The following ERC2 variants were observed in gnomAD, a reference collection of about 807,000 sequenced individuals.
ERC2 encodes the protein ERC protein 2.
ERC2 carries 42 observed loss-of-function variants against 114.8 expected under a neutral mutation model. That is an observed-to-expected ratio of 0.37 (90% CI 0.29 to 0.47). The LOEUF is 0.47. Among genes scored for constraint, ERC2 ranks in the 20% least tolerant of loss-of-function variants. The probability of loss-of-function intolerance (pLI) is 0.99; values close to 1 mark genes in which losing one functional copy is unlikely to be tolerated. For missense variants in ERC2, 939 were observed against 1,150.7 expected, an observed-to-expected ratio of 0.82 and a Z score of 2.66; for synonymous variants, 454 against 425.5, an observed-to-expected ratio of 1.07 and a Z score of -0.82.
intron 17 of ERC2, among the ~76,000 whole-genome samples, chr3:55,630,065 G>A (rs935127257): frequency 6.6e-6 from 1 of 152,224 alleles, no homozygotes; most frequent in Non-Finnish European, 1.5e-5. Flanking sequence ...CCAGACTGGG[G>A]GAGCCCTTGT....
chr3:55,745,686 C>T (rs1034704215), intron 14 of ERC2, among the ~76,000 whole-genome samples: 2 of 152,224 alleles, frequency 1.3e-5, no homozygotes, highest in African/African-American at 4.8e-5. Context: ...ATCTGGACTT[C>T]ACTGCAGGAC....
At chr3:55,817,846 CATT>C (rs1264423039) in intron 14 of ERC2, among the ~76,000 whole-genome samples, 2 of 152,322 alleles carry the variant, frequency 1.3e-5, no homozygotes, top group Non-Finnish European at 2.9e-5. Flanking sequence ...ATGTTAGTCT[CATT>C]ATCACCATTA....
chr3:56,181,835 T>C (rs532920003), intron 3 of ERC2, among the ~76,000 whole-genome samples: 1 of 152,180 alleles, frequency 6.6e-6, no homozygotes, highest in African/African-American at 2.4e-5. Context: ...AGACATCCTA[T>C]GGTGAGGCCT....
chr3:55,653,900 G>T (rs552135259), intron 17 of ERC2, among the ~76,000 whole-genome samples: 1 of 152,122 alleles, frequency 6.6e-6, no homozygotes, highest in Non-Finnish European at 1.5e-5. Context: ...TGGAATGCCC[G>T]CTCCATCTCA....
chr3:56,053,526 T>C (rs2075867369), intron 7 of ERC2, among the ~76,000 whole-genome samples: 1 of 152,208 alleles, frequency 6.6e-6, no homozygotes, highest in African/African-American at 2.4e-5. Flanking sequence ...TCCTGATCTT[T>C]TACATGTCCT....
At chr3:55,735,004 G>A in intron 14 of ERC2, 86 bp from the exon 15 acceptor site, 1 of 1,342,592 alleles carries the variant, frequency 7.4e-7, no homozygotes, top group Non-Finnish European at 9.9e-7. Context: ...ATGAACCACA[G>A]AGTATTGTCT....
At position 56,164,985 on chromosome 3, in the gene ERC2, C is replaced by T. The variant is rs563280909; in HGVS notation, c.1149+8461G>A. On this transcript the variant is annotated intron_variant, in intron 4 of 17. Coordinates refer to ENST00000288221, the MANE Select transcript of ERC2 (RefSeq NM_015576.3). ...TATTTTTTCTTTATTTTTAAAGAAA[C>T]GTTTTAATTAAAGTATTAATATAAG... is the stretch of plus-strand genomic sequence containing the variant. Among the ~76,000 whole-genome samples, 25 of 151,814 alleles carry T rather than the reference C, an allele frequency of 1.6e-4. 1 individual carries two copies. The highest frequency in any genetic ancestry group is 7.7e-4 in the East Asian group (4 of 5,184).
At chr3:55,882,157 T>G (rs1338130120) in intron 14 of ERC2, among the ~76,000 whole-genome samples, 1 of 152,224 alleles carries the variant, frequency 6.6e-6, no homozygotes, top group Admixed American at 6.5e-5. Flanking sequence ...GTTCTCACTC[T>G]GCTAGTTTCC....
chr3:55,830,418 A>AT (rs928689813), intron 14 of ERC2, among the ~76,000 whole-genome samples: 4 of 152,220 alleles, frequency 2.6e-5, no homozygotes, highest in African/African-American at 7.2e-5. Flanking sequence ...ATAATGGACT[A>AT]TTTTTCTCCT....
At chr3:55,941,181 AATT>A (rs1188987603) in intron 13 of ERC2, among the ~76,000 whole-genome samples, 1 of 152,120 alleles carries the variant, frequency 6.6e-6, no homozygotes, top group Non-Finnish European at 1.5e-5. Flanking sequence ...TATTGAAAAG[AATT>A]ATTAAGCTGG....
chr3:55,878,513 T>A (rs2062970739), intron 14 of ERC2, among the ~76,000 whole-genome samples: 1 of 152,160 alleles, frequency 6.6e-6, no homozygotes, highest in Non-Finnish European at 1.5e-5. Flanking sequence ...TTCCCACACT[T>A]GAAATTCTTA....
At chr3:56,393,149 G>T (rs146757877) in intron 2 of ERC2, among the ~76,000 whole-genome samples, 1 of 152,300 alleles carries the variant, frequency 6.6e-6, no homozygotes, top group Non-Finnish European at 1.5e-5. Flanking sequence ...TATAATCCCA[G>T]CACTTTGGGA....
intron 2 of ERC2, among the ~76,000 whole-genome samples, chr3:56,398,275 A>G (rs2106920486): frequency 6.6e-6 from 1 of 152,346 alleles, no homozygotes; most frequent in East Asian, 1.9e-4. Flanking sequence ...GAGGAATATA[A>G]GCAGCTTTAG....
chr3:56,385,325 AG>A (rs1202124276), intron 2 of ERC2, among the ~76,000 whole-genome samples: 1 of 152,128 alleles, frequency 6.6e-6, no homozygotes, highest in Non-Finnish European at 1.5e-5. Flanking sequence ...CCTCTTCTAT[AG>A]GGGCACTAAT....
intron 17 of ERC2, among the ~76,000 whole-genome samples, chr3:55,675,903 C>CTTTTTTTTTTT (rs869296098): frequency 0.012 from 575 of 47,990 alleles, 103 homozygotes; most frequent in Middle Eastern, 0.042. Flanking sequence ...TCTTTTCTTT[C>CTTTTTTTTTTT]TTTTTTTTTT....
intron 3 of ERC2, among the ~76,000 whole-genome samples, chr3:56,175,575 C>T (rs1177746824): frequency 1.3e-5 from 2 of 152,144 alleles, no homozygotes; most frequent in Non-Finnish European, 2.9e-5. Flanking sequence ...CTGCTTGTCT[C>T]ATTCAAGCCT....
At chr3:56,182,198 C>T (rs1454728341) in intron 3 of ERC2, among the ~76,000 whole-genome samples, 1 of 152,124 alleles carries the variant, frequency 6.6e-6, no homozygotes, top group African/African-American at 2.4e-5. Flanking sequence ...TGTACTTTTC[C>T]TCCATGTCAC....
chr3:55,581,497 G>C (rs2057259069), intron 17 of ERC2, among the ~76,000 whole-genome samples: 1 of 152,104 alleles, frequency 6.6e-6, no homozygotes, highest in Non-Finnish European at 1.5e-5. Context: ...GCATGCACAG[G>C]TAAGAGTGGC....
chr3:56,179,039 C>T (rs569885589), intron 3 of ERC2, among the ~76,000 whole-genome samples: 144 of 146,696 alleles, frequency 9.8e-4, no homozygotes, highest in African/African-American at 3.5e-3. Flanking sequence ...TACACTAACA[C>T]TAATGAAAGT....
Sources: allele counts gnomAD v4.1 joint callset (sites outside exome capture counted in the v4.1 genomes callset), GRCh38; gene constraint gnomAD v4.1.1; transcripts MANE v1.5; gene names NCBI Gene and HGNC (gene_info 2026-07-23, HGNC 2026-07-21).